RAB3GAP2: variants seen among roughly 807,000 people sequenced by gnomAD.
The protein encoded by RAB3GAP2 is rab3 GTPase-activating protein non-catalytic subunit.
Under a neutral mutation model 185.3 loss-of-function variants are expected in RAB3GAP2, and 87 were observed. The ratio of observed to expected loss-of-function variants is 0.47; its 90% CI spans 0.39 to 0.56. RAB3GAP2 has a LOEUF of 0.56. RAB3GAP2 is among the 20% of genes least tolerant of loss of function. The pLI, the probability that RAB3GAP2 is intolerant of heterozygous loss-of-function variation, is 0.00. For synonymous variants in RAB3GAP2, 554 were observed against 576.1 expected, an observed-to-expected ratio of 0.96 and a Z score of 0.55; for missense variants, 1,492 against 1,638.2, an observed-to-expected ratio of 0.91 and a Z score of 1.54.
At chr1:220,183,076 T>G in intron 19 of RAB3GAP2, 145 bp from the exon 20 acceptor site, 1 of 672,972 alleles carries the variant, frequency 1.5e-6, no homozygotes, top group South Asian at 1.8e-5. Flanking sequence ...TACTTACAAA[T>G]CACGTTTCAT....
chr1:220,226,190 C>G (rs1659399173), intron 2 of RAB3GAP2, among the ~76,000 whole-genome samples: 1 of 152,162 alleles, frequency 6.6e-6, no homozygotes, highest in African/African-American at 2.4e-5. Flanking sequence ...CTATTAACCA[C>G]TAGCTGTTTA....
chr1:220,252,281 A>T (rs1163331442), intron 1 of RAB3GAP2, among the ~76,000 whole-genome samples: 1 of 152,020 alleles, frequency 6.6e-6, no homozygotes, highest in Non-Finnish European at 1.5e-5. Context: ...AAGGTTGCAG[A>T]TATGCATTTT....
At chr1:220,155,753 G>C (rs1281553031) in intron 31 of RAB3GAP2, among the ~76,000 whole-genome samples, 2 of 152,148 alleles carry the variant, frequency 1.3e-5, no homozygotes, top group African/African-American at 2.4e-5. Flanking sequence ...AGCTGTCTCA[G>C]GTAGTCTTGG....
intron 20 of RAB3GAP2, 136 bp downstream of exon 20, chr1:220,182,582 C>T (rs892027029): frequency 5.0e-6 from 6 of 1,195,234 alleles, no homozygotes; most frequent in Non-Finnish European, 4.6e-6. Context: ...CTTTTGTTGG[C>T]CAAAAAATAC....
intron 21 of RAB3GAP2, among the ~76,000 whole-genome samples, chr1:220,174,375 T>G (rs550851664): frequency 3.9e-5 from 6 of 152,280 alleles, no homozygotes; most frequent in African/African-American, 1.4e-4. Flanking sequence ...TCATCCCATA[T>G]AGACACCCTT....
chr1:220,157,838 G>A lies in RAB3GAP2; in HGVS notation c.3300C>T (p.Leu1100=), dbSNP rs368017287. The change falls in exon 30 of 35, where the codon CTC becomes CTT. Residue 1100 remains leucine, a synonymous_variant. Coordinates refer to ENST00000358951, the MANE Select transcript of RAB3GAP2 (RefSeq NM_012414.4). The stretch of plus-strand genomic sequence containing the variant: ...TCTGAAGAAGATCCAAACAGGAGCC[G>A]AGGAAAGATGTCATTGCTGTGTCAC... ...GMSDTAMTSF[L]GSCLDLLQIL... is the part of the protein sequence containing the mutation. 16 of 1,613,602 alleles carry A rather than the reference G, an allele frequency of 9.9e-6. No individual in the cohort carries two copies. The African/African-American group carries it at 1.1e-4, about 11-fold the overall frequency.
At chr1:220,222,962 T>C (rs1420425044) in intron 2 of RAB3GAP2, among the ~76,000 whole-genome samples, 1 of 152,246 alleles carries the variant, frequency 6.6e-6, no homozygotes, top group African/African-American at 2.4e-5. Flanking sequence ...CATACAAAAT[T>C]CATTTCATAA....
At position 220,158,742 on chromosome 1, in the gene RAB3GAP2, T is replaced by C. The variant is rs371573737; in HGVS notation, c.3261+644A>G. Among the ~76,000 whole-genome samples, 33 of 143,680 alleles carry C rather than the reference T, an allele frequency of 2.3e-4. 1 individual carries two copies. The highest frequency in any genetic ancestry group is 1.5e-3 in the Admixed American group (21 of 14,268). The allele number at this position is 143,680 out of a possible 152,430, so 94.3% of individuals were successfully genotyped here. On this transcript the variant is annotated intron_variant, in intron 29 of 34. Transcript: ENST00000358951. This position sits in a 1 kb window ranked among gnomAD's most constrained non-coding sequence, Gnocchi z 4.3. The stretch of plus-strand genomic sequence containing the variant: ...AGGCGTGAGCCACCGCGCCCTGCCA[T>C]ATAATCTTTTTAAAACCAACAATCT...
chr1:220,212,713 G>A (rs563993009), intron 4 of RAB3GAP2, among the ~76,000 whole-genome samples, 174 bp downstream of exon 4: 8 of 152,106 alleles, frequency 5.3e-5, no homozygotes, highest in Admixed American at 1.3e-4. Context: ...GGGTGGTCTC[G>A]AACTCCTGGG....
At chr1:220,238,133 T>C (rs1252110619) in intron 1 of RAB3GAP2, among the ~76,000 whole-genome samples, 2 of 152,200 alleles carry the variant, frequency 1.3e-5, no homozygotes, top group Non-Finnish European at 2.9e-5. Context: ...CTCGATCTCC[T>C]AGGCTCAAGT....
At chr1:220,182,652 T>A in intron 20 of RAB3GAP2, 66 bp downstream of exon 20, 1 of 1,304,266 alleles carries the variant, frequency 7.7e-7, no homozygotes, top group South Asian at 1.5e-5. Context: ...TGAGATGCTA[T>A]ATGTTCCTAC....
intron 7 of RAB3GAP2, among the ~76,000 whole-genome samples, chr1:220,206,294 C>T (rs1025946581): frequency 6.6e-6 from 1 of 152,126 alleles, no homozygotes; most frequent in Non-Finnish European, 1.5e-5. Flanking sequence ...ACTCATTGCA[C>T]AGATACAAAC....
chr1:220,166,098 G>A (rs945308200), intron 26 of RAB3GAP2, among the ~76,000 whole-genome samples: 1 of 152,164 alleles, frequency 6.6e-6, no homozygotes, highest in African/African-American at 2.4e-5. Context: ...CGCCATTCAG[G>A]CTGTAGTCAA....
chr1:220,200,424 G>A (rs1452686619), intron 9 of RAB3GAP2: 3 of 363,720 alleles, frequency 8.2e-6, no homozygotes, highest in Non-Finnish European at 1.1e-5. Context: ...CTTTATCAGG[G>A]TGGGGTCCTA....
intron 1 of RAB3GAP2, chr1:220,267,428 A>C: frequency 3.0e-6 from 4 of 1,352,000 alleles, no homozygotes; most frequent in Non-Finnish European, 4.2e-6. Context: ...GCTTTAAATA[A>C]CACCCTAAGA....
intron 2 of RAB3GAP2, among the ~76,000 whole-genome samples, chr1:220,223,910 A>C (rs1476416509): frequency 6.6e-6 from 1 of 151,612 alleles, no homozygotes; most frequent in African/African-American, 2.4e-5. Flanking sequence ...AAAAAAAAAA[A>C]AACTGAAAAA....
intron 21 of RAB3GAP2, among the ~76,000 whole-genome samples, chr1:220,178,602 A>AT (rs1054534459): frequency 3.3e-5 from 5 of 152,130 alleles, no homozygotes; most frequent in African/African-American, 7.2e-5. Flanking sequence ...TTGTAACTAG[A>AT]TTTTTTTTGT....
chr1:220,211,564 G>A (rs1299783250), intron 4 of RAB3GAP2, among the ~76,000 whole-genome samples: 2 of 152,140 alleles, frequency 1.3e-5, no homozygotes, highest in East Asian at 3.8e-4. Flanking sequence ...CTAAGCACAT[G>A]TTAGGTGTGA....
intron 7 of RAB3GAP2, among the ~76,000 whole-genome samples, chr1:220,209,786 C>A (rs1352264511): frequency 6.6e-6 from 1 of 152,110 alleles, no homozygotes; most frequent in Non-Finnish European, 1.5e-5. Flanking sequence ...CTATGCACTC[C>A]GCAAAACAAA....
Sources: gnomAD v4.1 joint callset for allele counts (sites outside exome capture counted in the v4.1 genomes callset) on GRCh38, gnomAD v4.1.1 for gene constraint, Gnocchi (gnomAD v3.1) non-coding constraint, MANE v1.5 for transcripts, NCBI Gene and HGNC (gene_info 2026-07-23, HGNC 2026-07-21) for gene names.